Variants in PRICKLE1 observed in about 807,000 individuals in gnomAD.
PRICKLE1 encodes the protein prickle-like protein 1.
Under a neutral mutation model 70.2 loss-of-function variants are expected in PRICKLE1, and 14 were observed. The observed-to-expected ratio is 0.20, with a 90% CI of 0.13 to 0.31. PRICKLE1 has a LOEUF of 0.31. PRICKLE1 is among the 10% of genes least tolerant of loss of function. PRICKLE1 has a pLI of 1.00. For missense variants in PRICKLE1, 821 were observed against 1,026.2 expected (o/e 0.80, Z 2.73); for synonymous variants, 357 against 379.9 (o/e 0.94, Z 0.70).
intron 1 of PRICKLE1, among the ~76,000 whole-genome samples, chr12:42,571,198 A>C (rs1196773695): frequency 1.3e-5 from 2 of 152,230 alleles, no homozygotes; most frequent in Non-Finnish European, 2.9e-5. Flanking sequence ...GAAAGGAGGT[A>C]AACATAATGA....
chr12:42,485,239 G>GTTTTTTTTTTTTTTTTTT (rs556218718), intron 1 of PRICKLE1: 1 of 100,784 alleles, frequency 9.9e-6, no homozygotes, highest in Non-Finnish European at 1.9e-5. Context: ...CAGCTGAGAA[G>GTTTTTTTTTTTTTTTTTT]TTTTTTTTTT....
chr12:42,513,565 TG>T (rs1209750661), intron 1 of PRICKLE1, among the ~76,000 whole-genome samples: 2 of 148,324 alleles, frequency 1.3e-5, no homozygotes, highest in African/African-American at 5.0e-5. Context: ...GCTGTTGGGC[TG>T]GAAAAAAAAA....
intron 1 of PRICKLE1, among the ~76,000 whole-genome samples, chr12:42,570,351 G>C (rs1191975459): frequency 1.3e-5 from 2 of 152,138 alleles, no homozygotes; most frequent in Non-Finnish European, 2.9e-5. Context: ...AACTGATCAA[G>C]GCATTTGTTT....
chr12:42,541,639 C>T (rs1241978616), intron 1 of PRICKLE1, among the ~76,000 whole-genome samples: 1 of 152,120 alleles, frequency 6.6e-6, no homozygotes, highest in African/African-American at 2.4e-5. Flanking sequence ...TGCCTGGACC[C>T]CCACTCTTCC....
At chr12:42,587,350 T>TTTCC (rs1323962235) in intron 1 of PRICKLE1, among the ~76,000 whole-genome samples, 1 of 152,030 alleles carries the variant, frequency 6.6e-6, no homozygotes, top group African/African-American at 2.4e-5. Flanking sequence ...CCCTCCCTCT[T>TTTCC]TTCCTTCCTT....
chr12:42,546,574 C>T (rs567048502), intron 1 of PRICKLE1, among the ~76,000 whole-genome samples: 23 of 152,128 alleles, frequency 1.5e-4, no homozygotes, highest in Non-Finnish European at 2.9e-4. Context: ...GCCAACATGG[C>T]GAAACCCTGT....
chr12:42,533,744 T>C (rs1240712153), intron 1 of PRICKLE1, among the ~76,000 whole-genome samples: 2 of 152,122 alleles, frequency 1.3e-5, no homozygotes, highest in Non-Finnish European at 2.9e-5. Context: ...ATAGACTAAA[T>C]TTACTCTGAA....
chr12:42,463,668 T>A (rs1937954938), intron 7 of PRICKLE1: 1 of 152,022 alleles, frequency 6.6e-6, no homozygotes, highest in African/African-American at 2.4e-5. Context: ...TGCAGTGAGG[T>A]GAGACTGCGC....
intron 1 of PRICKLE1, among the ~76,000 whole-genome samples, chr12:42,555,655 T>G (rs1158148440): frequency 6.6e-6 from 1 of 152,188 alleles, no homozygotes; most frequent in Non-Finnish European, 1.5e-5. Flanking sequence ...TGGCTTTTTA[T>G]AGCTTAACAC....
At chr12:42,462,873 A>T (rs1033962951) in intron 7 of PRICKLE1, among the ~76,000 whole-genome samples, 4 of 152,252 alleles carry the variant, frequency 2.6e-5, no homozygotes, top group African/African-American at 9.6e-5. Flanking sequence ...TTCTAGGCCT[A>T]ATCTTGCCTT....
chr12:42,531,043 C>CTTT (rs141334021), intron 1 of PRICKLE1, among the ~76,000 whole-genome samples: 34 of 100,136 alleles, frequency 3.4e-4, no homozygotes, highest in Admixed American at 6.0e-4. Context: ...ATGTTAAGGG[C>CTTT]TTTTTTTTTT....
At chr12:42,496,161 G>A (rs1939198705) in intron 1 of PRICKLE1, among the ~76,000 whole-genome samples, 2 of 152,232 alleles carry the variant, frequency 1.3e-5, no homozygotes, top group African/African-American at 4.8e-5. Flanking sequence ...CAGAATGGAT[G>A]TTGTGTTTGC....
chr12:42,464,402 A>G lies in PRICKLE1; in HGVS notation c.1632T>C (p.Asn544=), dbSNP rs776332277. The G allele has an allele frequency of 6.2e-7, 1 of 1,614,106 alleles. No individual in the cohort carries two copies. The highest frequency in any genetic ancestry group is 8.5e-7 in the Non-Finnish European group (1 of 1,180,028). The change falls in exon 7 of 8, where the codon AAT becomes AAC. Residue 544 remains asparagine, a synonymous_variant. Transcript: ENST00000345127. This position sits in a 1 kb window ranked among gnomAD's most constrained non-coding sequence, Gnocchi z 4.2. Reference sequence around the variant, plus strand: ...AATCCCTAGATTACGTACCTGTGATATTGGACAATGCCAAAGAATCCATCG... The same window carrying G: ...AATCCCTAGATTACGTACCTGTGATGTTGGACAATGCCAAAGAATCCATCG... ...RDSMDSLALS[N]ITGASVDGEN...
intron 1 of PRICKLE1, among the ~76,000 whole-genome samples, chr12:42,551,001 T>C (rs1940305003): frequency 6.6e-6 from 1 of 152,232 alleles, no homozygotes; most frequent in African/African-American, 2.4e-5. Context: ...AAAGCTGAGC[T>C]CTGCAATTAT....
intron 1 of PRICKLE1, among the ~76,000 whole-genome samples, chr12:42,496,811 T>G (rs1468152857): frequency 6.6e-6 from 1 of 152,172 alleles, no homozygotes; most frequent in African/African-American, 2.4e-5. Context: ...GGAAGAGAGT[T>G]AGGGCTTTGC....
intron 1 of PRICKLE1, among the ~76,000 whole-genome samples, chr12:42,560,149 A>T (rs866647669): frequency 7.7e-6 from 1 of 130,484 alleles, no homozygotes; most frequent in East Asian, 2.1e-4. Flanking sequence ...TATTATTATT[A>T]TTTTTGAGGC....
At chr12:42,513,852 C>A (rs997112277) in intron 1 of PRICKLE1, among the ~76,000 whole-genome samples, 1 of 151,978 alleles carries the variant, frequency 6.6e-6, no homozygotes, top group Admixed American at 6.6e-5. Flanking sequence ...AAAAAATTAG[C>A]CAGGCGTGGT....
intron 6 of PRICKLE1, chr12:42,465,469 G>C (rs117186472): frequency 3.4e-6 from 2 of 584,452 alleles, no homozygotes; most frequent in South Asian, 2.1e-5. Flanking sequence ...ACTAATATTC[G>C]CAACAGTTTC....
chr12:42,460,439 G>T lies in PRICKLE1; in HGVS notation c.1866C>A (p.Ser622=). Residue 622 remains serine, a synonymous_variant, in exon 8 of 8, where the codon TCC becomes TCA. Coordinates refer to ENST00000345127, the MANE Select transcript of PRICKLE1 (RefSeq NM_153026.3). ...CCTGCTGGGGTCTGGATTGAGACTT[G>T]GACCTTCTGAGCACTGGCAGATGTA... ...KPVHLPVLRR[S]KSQSRPQQVK... 1 of 1,614,088 alleles carries T rather than the reference G, an allele frequency of 6.2e-7. No homozygotes were observed. Among genetic ancestry groups the T allele is most frequent in the East Asian group, 2.2e-5 (1 of 44,882 alleles).
Sources: allele counts gnomAD v4.1 joint callset (sites outside exome capture counted in the v4.1 genomes callset), GRCh38; gene constraint gnomAD v4.1.1; non-coding constraint Gnocchi (gnomAD v3.1); transcripts MANE v1.5; gene names NCBI Gene and HGNC (gene_info 2026-07-23, HGNC 2026-07-21).